The following HSPA12A variants were observed in gnomAD, a reference collection of about 807,000 sequenced individuals.
HSPA12A encodes the protein heat shock protein family A (Hsp70) member 12A, also known as heat shock 70 kDa protein 12A.
A neutral mutation model predicts 69.2 loss-of-function variants in HSPA12A; 28 were observed. That is an observed-to-expected ratio of 0.40 (90% CI 0.30 to 0.55). The LOEUF is 0.55. Among genes scored for constraint, HSPA12A ranks in the 20% least tolerant of loss-of-function variants. The probability of loss-of-function intolerance (pLI) is 0.38; values close to 1 mark genes in which losing one functional copy is unlikely to be tolerated. For missense variants in HSPA12A, 686 were observed against 900.7 expected (o/e 0.76, Z 3.05); for synonymous variants, 345 against 370.5 (o/e 0.93, Z 0.79).
At chr10:116,794,075 C>T (rs955532194) in intron 2 of HSPA12A, among the ~76,000 whole-genome samples, 2 of 151,776 alleles carry the variant, frequency 1.3e-5, no homozygotes, top group African/African-American at 2.4e-5. Context: ...TGGTGGTGGG[C>T]GCCTGTAGTC....
chr10:116,753,610 T>TG (rs201048456), intron 2 of HSPA12A, among the ~76,000 whole-genome samples: 3,608 of 152,210 alleles, frequency 0.024, 152 homozygotes, highest in African/African-American at 0.083. Flanking sequence ...TCTTAGTTAC[T>TG]GTAAGCCTTA....
intron 2 of HSPA12A, among the ~76,000 whole-genome samples, chr10:116,757,452 T>C (rs1843875379): frequency 6.6e-6 from 1 of 152,222 alleles, no homozygotes; most frequent in Admixed American, 6.5e-5. Context: ...TCTCCCAAGG[T>C]CACCTGACTT....
chr10:116,698,615 GC>G lies in HSPA12A; in HGVS notation c.546+19del. On this transcript the variant is annotated intron_variant, in intron 5 of 11. Transcript: ENST00000369209. The stretch of plus-strand genomic sequence containing the variant: ...CCACCGCCTAGCACACAGCTGGCTG[GC>G]CTCAACTATCAGTCCTACCTTCAGC... 1 of 1,582,440 alleles carries G rather than the reference GC, an allele frequency of 6.3e-7. No individual in the cohort carries two copies. The highest frequency in any genetic ancestry group is 8.7e-7 in the Non-Finnish European group (1 of 1,153,208).
chr10:116,827,859 G>A (rs1273444054), intron 2 of HSPA12A, among the ~76,000 whole-genome samples: 2 of 152,148 alleles, frequency 1.3e-5, no homozygotes, highest in Admixed American at 6.5e-5. Context: ...AATTCTCTGC[G>A]GCAGACGGTG....
At chr10:116,763,564 G>C (rs1384007442) in intron 2 of HSPA12A, among the ~76,000 whole-genome samples, 1 of 152,172 alleles carries the variant, frequency 6.6e-6, no homozygotes, top group Non-Finnish European at 1.5e-5. Context: ...CCAGAATCTG[G>C]GTGGAACTGC....
At position 116,759,574 on chromosome 10, in the gene HSPA12A, A is replaced by G. The variant is rs1319959539; in HGVS notation, c.92-52289T>C. Among the ~76,000 whole-genome samples, 4 of 152,344 alleles carry G rather than the reference A, an allele frequency of 2.6e-5. No individual in the cohort carries two copies. In the East Asian group the frequency reaches 7.7e-4, roughly 29 times the overall value. On this transcript the variant is annotated intron_variant, in intron 2 of 12. Coordinates refer to the HSPA12A transcript ENST00000635765. ...ACAGGGTCACCTTCCATGAGGATGAACAAATTCAGGGCTCTTCCATCAGGG... is the reference window on the plus strand; with the variant it reads ...ACAGGGTCACCTTCCATGAGGATGAGCAAATTCAGGGCTCTTCCATCAGGG...
At chr10:116,836,802 C>A (rs983972273) in intron 1 of HSPA12A, among the ~76,000 whole-genome samples, 1 of 151,108 alleles carries the variant, frequency 6.6e-6, no homozygotes, top group Non-Finnish European at 1.5e-5. Flanking sequence ...CACACACACA[C>A]AAACTCCTTC....
chr10:116,812,071 G>A (rs574603372), intron 2 of HSPA12A, among the ~76,000 whole-genome samples: 3 of 152,294 alleles, frequency 2.0e-5, no homozygotes, highest in East Asian at 1.9e-4. Context: ...GCTTGTCATT[G>A]TATTCATCTG....
intron 1 of HSPA12A, among the ~76,000 whole-genome samples, chr10:116,842,741 T>C (rs1404636473): frequency 6.6e-6 from 1 of 152,178 alleles, no homozygotes; most frequent in Non-Finnish European, 1.5e-5. Context: ...TAGCTGGGAT[T>C]ACAGGCACCC....
chr10:116,702,845 C>A (rs1850119231), intron 3 of HSPA12A, among the ~76,000 whole-genome samples: 1 of 152,190 alleles, frequency 6.6e-6, no homozygotes, highest in South Asian at 2.1e-4. Flanking sequence ...CAACCTCCCT[C>A]CAAAATGTCG....
intron 5 of HSPA12A, among the ~76,000 whole-genome samples, chr10:116,697,098 A>G (rs1161626909): frequency 1.3e-5 from 2 of 152,190 alleles, no homozygotes; most frequent in East Asian, 3.8e-4. Flanking sequence ...AAAGGTACTC[A>G]AAAAAACAGG....
intron 1 of HSPA12A, among the ~76,000 whole-genome samples, chr10:116,733,863 A>G (rs1465814588): frequency 6.6e-6 from 1 of 152,152 alleles, no homozygotes; most frequent in Non-Finnish European, 1.5e-5. Flanking sequence ...GATATTTTCA[A>G]CGTTTTTATG....
chr10:116,721,529 A>G (rs1850776535), intron 1 of HSPA12A, among the ~76,000 whole-genome samples: 1 of 152,224 alleles, frequency 6.6e-6, no homozygotes, highest in African/African-American at 2.4e-5. Context: ...AATTTTGATG[A>G]GCTTTTGAAT....
At chr10:116,703,026 T>C (rs1273241356) in intron 3 of HSPA12A, among the ~76,000 whole-genome samples, 1 of 152,244 alleles carries the variant, frequency 6.6e-6, no homozygotes, top group Non-Finnish European at 1.5e-5. Flanking sequence ...CTGATAAACA[T>C]TGATTCTAGC....
At chr10:116,693,179 T>C (rs1849785643) in intron 5 of HSPA12A, among the ~76,000 whole-genome samples, 1 of 152,158 alleles carries the variant, frequency 6.6e-6, no homozygotes, top group South Asian at 2.1e-4. Flanking sequence ...ATCTACCTTA[T>C]GCAAGGCCAG....
At chr10:116,687,243 T>A (rs1849601319) in intron 6 of HSPA12A, among the ~76,000 whole-genome samples, 1 of 152,126 alleles carries the variant, frequency 6.6e-6, no homozygotes, top group East Asian at 1.9e-4. Context: ...CTTTGGCCTG[T>A]TTCCATAGGG....
chr10:116,801,779 C>G (rs563897406), intron 2 of HSPA12A, among the ~76,000 whole-genome samples: 1 of 151,898 alleles, frequency 6.6e-6, no homozygotes, highest in African/African-American at 2.4e-5. Context: ...TGGCAAAATC[C>G]AAATAAAGCT....
chr10:116,787,345 T>C lies in HSPA12A; in HGVS notation c.91+47590A>G, dbSNP rs561824101. ...CTTAAAGCTGTGTATAGAGGATATTTACTGCCCACTGCTCCTAATAAGCAC... is the reference window on the plus strand; with the variant it reads ...CTTAAAGCTGTGTATAGAGGATATTCACTGCCCACTGCTCCTAATAAGCAC... On this transcript the variant is annotated intron_variant, in intron 2 of 12. Coordinates refer to the HSPA12A transcript ENST00000635765. 4.6e-5 allele frequency among the ~76,000 whole-genome samples: 7 copies of C among 151,218 alleles called. No homozygotes were observed. The South Asian group carries it at 1.3e-3, about 27-fold the overall frequency.
chr10:116,740,407 G>A (rs1411858526), intron 1 of HSPA12A, among the ~76,000 whole-genome samples: 1 of 152,218 alleles, frequency 6.6e-6, no homozygotes. Flanking sequence ...CCATTTTACA[G>A]ATAAAGGGAG....
Sources: allele counts gnomAD v4.1 joint callset (sites outside exome capture counted in the v4.1 genomes callset), GRCh38; gene constraint gnomAD v4.1.1; transcripts MANE v1.5; gene names NCBI Gene and HGNC (gene_info 2026-07-23, HGNC 2026-07-21).